Variants in LRP1B observed in about 807,000 individuals in gnomAD.
LRP1B encodes low-density lipoprotein receptor-related protein 1B.
Under a neutral mutation model 556.6 loss-of-function variants are expected in LRP1B, and 217 were observed. The observed-to-expected ratio is 0.39, with a 90% CI of 0.35 to 0.44. LRP1B has a LOEUF of 0.44. Among genes scored for constraint, LRP1B ranks in the 20% least tolerant of loss-of-function variants. The pLI, the probability that LRP1B is intolerant of heterozygous loss-of-function variation, is 1.00. For synonymous variants in LRP1B, 2,047 were observed against 1,865.8 expected (o/e 1.10, Z -2.50); for missense variants, 5,053 against 5,620.8 (o/e 0.90, Z 3.23).
chr2:141,890,832 A>G (rs1699269023), intron 1 of LRP1B, among the ~76,000 whole-genome samples: 1 of 152,064 alleles, frequency 6.6e-6, no homozygotes, highest in South Asian at 2.1e-4. Context: ...ATACCACACC[A>G]AGTTTTCCAT....
At chr2:141,026,390 A>T (rs187683977) in intron 11 of LRP1B, among the ~76,000 whole-genome samples, 2 of 152,204 alleles carry the variant, frequency 1.3e-5, no homozygotes, top group African/African-American at 2.4e-5. Flanking sequence ...ACTGAACTTT[A>T]AAAAAGACAA....
chr2:141,382,816 G>A (rs533598875), intron 3 of LRP1B, among the ~76,000 whole-genome samples: 1 of 152,314 alleles, frequency 6.6e-6, no homozygotes, highest in Non-Finnish European at 1.5e-5. Flanking sequence ...GGTCTCAGCA[G>A]TGATTTTTTG....
chr2:141,970,338 T>G (rs531078645), intron 1 of LRP1B, among the ~76,000 whole-genome samples: 2 of 151,684 alleles, frequency 1.3e-5, no homozygotes, highest in Non-Finnish European at 1.5e-5. Flanking sequence ...AGATCAAGAA[T>G]GTGGTAAACA....
intron 41 of LRP1B, among the ~76,000 whole-genome samples, chr2:140,606,419 A>G (rs900121909): frequency 6.6e-6 from 1 of 152,048 alleles, no homozygotes; most frequent in East Asian, 1.9e-4. Context: ...GGAAGGCCTA[A>G]TATTATGAAG....
chr2:141,492,704 C>T (rs548382827), intron 2 of LRP1B, among the ~76,000 whole-genome samples: 1 of 152,058 alleles, frequency 6.6e-6, no homozygotes, highest in South Asian at 2.1e-4. Context: ...GTGCGAGACA[C>T]GGTGATTTTT....
chr2:140,800,238 G>C (rs1488012860), intron 32 of LRP1B, among the ~76,000 whole-genome samples: 2 of 152,092 alleles, frequency 1.3e-5, no homozygotes, highest in Non-Finnish European at 2.9e-5. Flanking sequence ...TCACACACTG[G>C]GGCCTGTCAT....
chr2:141,078,048 GAAGTTTTCTAACAC>G (rs1356849293), intron 7 of LRP1B, among the ~76,000 whole-genome samples: 2 of 150,360 alleles, frequency 1.3e-5, no homozygotes, highest in Admixed American at 1.3e-4. Context: ...TTATTTGGGT[GAAGTTTTCTAACAC>G]AACTAAAAAC....
At chr2:140,971,726 C>T (rs914519284) in intron 18 of LRP1B, among the ~76,000 whole-genome samples, 2 of 152,082 alleles carry the variant, frequency 1.3e-5, no homozygotes, top group African/African-American at 2.4e-5. Flanking sequence ...CCCAGCTACT[C>T]AGGAGGCTGA....
In LRP1B at chr2:141,623,522, C is replaced by T. The variant is rs73965749; in HGVS notation, c.206-142989G>A. On this transcript the variant is annotated intron_variant, in intron 2 of 90. Coordinates refer to ENST00000389484, the MANE Select transcript of LRP1B (RefSeq NM_018557.3). Reference sequence around the variant, plus strand: ...TTTCTTGATAGCAATCCCCACTGTTCTCAAGATATAGGTTTTATAATTTGG... The same window carrying T: ...TTTCTTGATAGCAATCCCCACTGTTTTCAAGATATAGGTTTTATAATTTGG... Among the ~76,000 whole-genome samples the T allele has an allele frequency of 4.2e-3, 643 of 152,204 alleles. 5 individuals carry two copies. The highest frequency in any genetic ancestry group is 0.015 in the African/African-American group (622 of 41,530).
intron 31 of LRP1B, among the ~76,000 whole-genome samples, chr2:140,820,024 G>C (rs932979894): frequency 3.9e-5 from 6 of 152,138 alleles, no homozygotes; most frequent in African/African-American, 1.4e-4. Context: ...TTTCAAGACA[G>C]AGTCTCGCTC....
intron 41 of LRP1B, among the ~76,000 whole-genome samples, chr2:140,604,383 C>T (rs943831259): frequency 2.6e-5 from 4 of 152,016 alleles, no homozygotes; most frequent in African/African-American, 7.2e-5. Context: ...TAACTCAGAA[C>T]CGTGGTTGTA....
At chr2:141,917,276 ATAT>A (rs1700062630) in intron 1 of LRP1B, among the ~76,000 whole-genome samples, 1 of 152,154 alleles carries the variant, frequency 6.6e-6, no homozygotes, top group African/African-American at 2.4e-5. Context: ...AGGCCATCAC[ATAT>A]TATTTTATTT....
chr2:142,093,010 T>C (rs928657499), intron 1 of LRP1B, among the ~76,000 whole-genome samples: 1 of 152,052 alleles, frequency 6.6e-6, no homozygotes, highest in African/African-American at 2.4e-5. Flanking sequence ...CTGCGTGATC[T>C]CCCATCTACA....
chr2:140,951,172 C>T (rs1234727664), intron 19 of LRP1B, among the ~76,000 whole-genome samples: 2 of 152,060 alleles, frequency 1.3e-5, no homozygotes, highest in African/African-American at 4.8e-5. Context: ...TCTTCAATAT[C>T]CTCCCTTTTT....
At position 142,042,173 on chromosome 2, in the gene LRP1B, C is replaced by T. The variant is rs190670963; in HGVS notation, c.82+88475G>A. 3.3e-5 allele frequency among the ~76,000 whole-genome samples: 5 copies of T among 151,352 alleles called. No homozygotes were observed. In the East Asian group the frequency reaches 9.8e-4, roughly 30 times the overall value. On this transcript the variant is annotated intron_variant, in intron 1 of 90. Transcript: ENST00000389484. ...TAACTGAATGCTACTGTCTGCGGTACATTATAACCCTGGCCTGCTGATAAT... is the reference window on the plus strand; with the variant it reads ...TAACTGAATGCTACTGTCTGCGGTATATTATAACCCTGGCCTGCTGATAAT...
intron 1 of LRP1B, among the ~76,000 whole-genome samples, chr2:141,872,789 C>T (rs1698630720): frequency 6.6e-6 from 1 of 151,838 alleles, no homozygotes. Context: ...TCATACTTCT[C>T]AACAGGAACA....
At chr2:140,424,866 T>G (rs1237640306) in intron 66 of LRP1B, among the ~76,000 whole-genome samples, 2 of 152,228 alleles carry the variant, frequency 1.3e-5, no homozygotes, top group East Asian at 3.8e-4. Context: ...AAAGAGAGCT[T>G]CTCTGACACT....
intron 1 of LRP1B, among the ~76,000 whole-genome samples, chr2:141,985,611 CA>C (rs1429260901): frequency 6.6e-6 from 1 of 151,328 alleles, no homozygotes; most frequent in Non-Finnish European, 1.5e-5. Flanking sequence ...ACAATTCTTT[CA>C]TTTTTTTTTT....
At chr2:141,067,819 A>G (rs1306972242) in intron 7 of LRP1B, among the ~76,000 whole-genome samples, 1 of 151,982 alleles carries the variant, frequency 6.6e-6, no homozygotes, top group African/African-American at 2.4e-5. Flanking sequence ...CCTGGTGCAC[A>G]GCTGCTGTAA....
Sources: gnomAD v4.1 joint callset for allele counts (sites outside exome capture counted in the v4.1 genomes callset) on GRCh38, gnomAD v4.1.1 for gene constraint, MANE v1.5 for transcripts, NCBI Gene and HGNC (gene_info 2026-07-23, HGNC 2026-07-21) for gene names.